Variants in RARB observed in about 807,000 individuals in gnomAD.
RARB encodes retinoic acid receptor beta, also known as HBV-activated protein.
In RARB, 17 loss-of-function variants were observed where a neutral mutation model predicts 51.9. The ratio of observed to expected loss-of-function variants is 0.33; its 90% CI spans 0.22 to 0.49. The LOEUF is 0.49. Ranked by LOEUF, RARB falls within the 20% of genes least tolerant of loss-of-function variation. The probability of loss-of-function intolerance (pLI) is 0.99; values close to 1 mark genes in which losing one functional copy is unlikely to be tolerated. For missense variants in RARB, 369 were observed against 550.8 expected, an observed-to-expected ratio of 0.67 and a Z score of 3.30; for synonymous variants, 215 against 195.4, an observed-to-expected ratio of 1.10 and a Z score of -0.84.
At chr3:25,318,947 T>G (rs539933486) in intron 5 of RARB, among the ~76,000 whole-genome samples, 177 of 152,348 alleles carry the variant, frequency 1.2e-3, no homozygotes, top group Non-Finnish European at 1.4e-3. Context: ...AGATAGTAAC[T>G]CATGCTCTGT....
At position 25,194,652 on chromosome 3, in the gene RARB, TTTTAA is replaced by T. The variant is rs898919684; in HGVS notation, c.178+20083_178+20087del. ...TCCCTTGAGAACAAGGTCTTTTTTT[TTTTAA>T]TTTAAGTCTCCAATTCCCAATGCAC... On this transcript the variant is annotated intron_variant, in intron 5 of 11. Coordinates refer to the RARB transcript ENST00000383772. Among the ~76,000 whole-genome samples the T allele has an allele frequency of 7.9e-5, 12 of 151,668 alleles. No individual in the cohort carries two copies. In the East Asian group the frequency reaches 1.4e-3, roughly 17 times the overall value.
chr3:25,538,395 C>A (rs1291444154), intron 3 of RARB, among the ~76,000 whole-genome samples: 1 of 152,084 alleles, frequency 6.6e-6, no homozygotes, highest in Non-Finnish European at 1.5e-5. Flanking sequence ...TGAATTCTAT[C>A]TTTACATCCG....
intron 5 of RARB, among the ~76,000 whole-genome samples, chr3:25,254,803 C>T (rs577528442): frequency 2.0e-4 from 30 of 152,078 alleles, no homozygotes; most frequent in Admixed American, 4.6e-4. Context: ...GATATTTGGA[C>T]GGATATAAAA....
At chr3:25,335,789 A>G (rs1705044572) in intron 5 of RARB, among the ~76,000 whole-genome samples, 1 of 152,200 alleles carries the variant, frequency 6.6e-6, no homozygotes, top group Middle Eastern at 3.2e-3. Context: ...TCTCTGCTAT[A>G]TTCTCTTCTT....
intron 5 of RARB, among the ~76,000 whole-genome samples, chr3:25,353,674 C>G (rs185971769): frequency 6.6e-6 from 1 of 151,118 alleles, no homozygotes; most frequent in African/African-American, 2.4e-5. Flanking sequence ...TAACTCTTAA[C>G]GTTGTAGGTG....
intron 3 of RARB, among the ~76,000 whole-genome samples, chr3:25,545,497 A>T (rs1699582582): frequency 1.3e-5 from 2 of 152,098 alleles, no homozygotes; most frequent in Non-Finnish European, 2.9e-5. Context: ...CTTGCAGTGA[A>T]CAGTTCTCCT....
chr3:25,193,053 T>C (rs1286967009), intron 5 of RARB, among the ~76,000 whole-genome samples: 2 of 152,040 alleles, frequency 1.3e-5, no homozygotes, highest in Admixed American at 6.6e-5. Flanking sequence ...TTTAACCAAA[T>C]AGGAAATGAA....
chr3:25,542,620 A>G (rs1359821954), intron 3 of RARB, among the ~76,000 whole-genome samples: 2 of 152,238 alleles, frequency 1.3e-5, no homozygotes, highest in African/African-American at 4.8e-5. Flanking sequence ...CCAAAATACA[A>G]AATTTTATGT....
intron 1 of RARB, among the ~76,000 whole-genome samples, chr3:24,850,006 G>A (rs1157053126): frequency 6.6e-6 from 1 of 152,164 alleles, no homozygotes; most frequent in Non-Finnish European, 1.5e-5. Context: ...TCGCAGTTCT[G>A]AAGGCTGGGA....
intron 5 of RARB, among the ~76,000 whole-genome samples, chr3:25,340,338 G>T (rs141534656): frequency 0.012 from 1,855 of 152,226 alleles, 17 homozygotes; most frequent in Non-Finnish European, 0.02. Context: ...TGGAATGTAA[G>T]TTCAATTTCC....
intron 1 of RARB, among the ~76,000 whole-genome samples, chr3:25,452,919 A>G (rs1291836461): frequency 6.6e-6 from 1 of 152,184 alleles, no homozygotes; most frequent in Non-Finnish European, 1.5e-5. Flanking sequence ...ACACACTGCC[A>G]ACTAAAAGCC....
At chr3:24,992,214 G>A (rs577744977) in intron 2 of RARB, among the ~76,000 whole-genome samples, 1 of 152,236 alleles carries the variant, frequency 6.6e-6, no homozygotes, top group African/African-American at 2.4e-5. Context: ...AAGTAATCCT[G>A]CGTTTTGAGC....
At chr3:25,262,058 T>C (rs1703011803) in intron 5 of RARB, among the ~76,000 whole-genome samples, 1 of 152,168 alleles carries the variant, frequency 6.6e-6, no homozygotes, top group Non-Finnish European at 1.5e-5. Flanking sequence ...CCTTTTTTAA[T>C]AGACTAAAGG....
intron 5 of RARB, among the ~76,000 whole-genome samples, chr3:25,248,881 C>T (rs1702635506): frequency 6.6e-6 from 1 of 152,128 alleles, no homozygotes; most frequent in Non-Finnish European, 1.5e-5. Flanking sequence ...TTGTCTTTCA[C>T]TTTTGACAGT....
chr3:25,114,377 A>G (rs144697068), intron 3 of RARB, among the ~76,000 whole-genome samples: 81 of 152,300 alleles, frequency 5.3e-4, no homozygotes, highest in African/African-American at 1.7e-3. Flanking sequence ...CCACTTGGAA[A>G]TAATTGAGAG....
intron 5 of RARB, among the ~76,000 whole-genome samples, chr3:25,377,017 G>T (rs73820452): frequency 6.3e-5 from 9 of 141,850 alleles, no homozygotes; most frequent in Middle Eastern, 3.8e-3. Flanking sequence ...TATTAGTTTA[G>T]TTTGTTTGTT....
In RARB at chr3:25,304,067, C is replaced by T. The variant is rs1272690945; in HGVS notation, c.178+129492C>T. ...GACTTCAGTAGTATGAGTACATGTA[C>T]ACCTTTTCTTTGCTAACCTTAAAAA... On this transcript the variant is annotated intron_variant, in intron 5 of 11. Coordinates refer to the RARB transcript ENST00000383772. Among the ~76,000 whole-genome samples, 3 of 152,294 alleles carry T rather than the reference C, an allele frequency of 2.0e-5. No individual in the cohort carries two copies. The East Asian group carries it at 5.8e-4, about 29-fold the overall frequency.
chr3:24,863,433 A>G (rs1702792154), intron 2 of RARB, among the ~76,000 whole-genome samples: 1 of 152,166 alleles, frequency 6.6e-6, no homozygotes, highest in Admixed American at 6.5e-5. Flanking sequence ...CTTAAGTGTA[A>G]TGGTTTAATG....
chr3:25,241,898 C>T (rs923861498), intron 5 of RARB, among the ~76,000 whole-genome samples: 2 of 152,204 alleles, frequency 1.3e-5, no homozygotes, highest in Admixed American at 6.5e-5. Flanking sequence ...TTGTCTTCCA[C>T]AATGGTTGAA....
Sources: allele counts gnomAD v4.1 joint callset (sites outside exome capture counted in the v4.1 genomes callset), GRCh38; gene constraint gnomAD v4.1.1; transcripts MANE v1.5; gene names NCBI Gene and HGNC (gene_info 2026-07-23, HGNC 2026-07-21).